RGS6: variants seen among roughly 807,000 people sequenced by gnomAD.
RGS6 encodes regulator of G protein signaling 6.
RGS6 carries 30 observed loss-of-function variants against 78.5 expected under a neutral mutation model. The observed-to-expected ratio is 0.38, with a 90% CI of 0.29 to 0.52. RGS6 has a LOEUF of 0.52. Among genes scored for constraint, RGS6 ranks in the 20% least tolerant of loss-of-function variants. RGS6 has a pLI of 0.85. For synonymous variants in RGS6, 206 were observed against 206.0 expected (o/e 1.00, Z 0.00); for missense variants, 495 against 609.7 (o/e 0.81, Z 1.98).
At chr14:72,558,380 C>T (rs1325716217) in intron 17 of RGS6, among the ~76,000 whole-genome samples, 1 of 152,206 alleles carries the variant, frequency 6.6e-6, no homozygotes, top group Admixed American at 6.5e-5. Flanking sequence ...CAGGGCTACT[C>T]TCTGAGCCAC....
At chr14:72,161,401 T>C (rs1469153874) in intron 2 of RGS6, among the ~76,000 whole-genome samples, 1 of 151,964 alleles carries the variant, frequency 6.6e-6, no homozygotes, top group African/African-American at 2.4e-5. Context: ...AAAAAAGCAA[T>C]AAAGAGGAGG....
intron 12 of RGS6, 140 bp from the exon 13 acceptor site, chr14:72,495,012 G>A (rs550480784): frequency 5.0e-6 from 3 of 604,590 alleles, no homozygotes; most frequent in East Asian, 2.8e-5. Flanking sequence ...ACAGTTTGAT[G>A]TGTCAGAAGT....
intron 2 of RGS6, among the ~76,000 whole-genome samples, chr14:71,992,584 AG>A (rs1222209595): frequency 6.6e-6 from 1 of 152,252 alleles, no homozygotes; most frequent in African/African-American, 2.4e-5. Flanking sequence ...TTAGATGGTT[AG>A]TAAATAGAAA....
Position 72,259,846 on chromosome 14 carries a change from G to C in RGS6, c.85-92249G>C, listed in dbSNP as rs371817472. 3.6e-4 allele frequency among the ~76,000 whole-genome samples: 51 copies of C among 142,772 alleles called. No homozygotes were observed. The East Asian group carries it at 0.01, about 29-fold the overall frequency. 93.7% of individuals were successfully genotyped at this position (142,772 alleles called of 152,430 possible). ...GAATGGCGTGAACCCGGGAGGCGGA[G>C]CTTGCAGTGAGCCGAGATCGCGCCA... On this transcript the variant is annotated intron_variant, in intron 2 of 17. Transcript: ENST00000553525.
chr14:72,299,546 G>A (rs1204834382), intron 2 of RGS6, among the ~76,000 whole-genome samples: 1 of 152,196 alleles, frequency 6.6e-6, no homozygotes, highest in Non-Finnish European at 1.5e-5. Flanking sequence ...AGCTTCTGAG[G>A]AACTGATGGA....
chr14:72,475,905 C>T (rs7151951), intron 10 of RGS6, among the ~76,000 whole-genome samples: 25,533 of 150,878 alleles, frequency 0.17, 2,314 homozygotes, highest in Middle Eastern at 0.28. Context: ...ATATTTTGTT[C>T]GTCACTGACT....
At chr14:72,557,651 G>A (rs2097600221) in intron 17 of RGS6, among the ~76,000 whole-genome samples, 1 of 152,212 alleles carries the variant, frequency 6.6e-6, no homozygotes, top group African/African-American at 2.4e-5. Context: ...GGCTCCTTGA[G>A]AGCACGACTC....
At chr14:72,409,628 T>C (rs2093239819) in intron 3 of RGS6, among the ~76,000 whole-genome samples, 1 of 152,138 alleles carries the variant, frequency 6.6e-6, no homozygotes, top group Admixed American at 6.5e-5. Context: ...GTTTGTTACA[T>C]ATGTATACAT....
chr14:72,436,331 T>C (rs572357340), intron 3 of RGS6, among the ~76,000 whole-genome samples: 1 of 152,286 alleles, frequency 6.6e-6, no homozygotes, highest in Admixed American at 6.5e-5. Context: ...ATGACTCTCT[T>C]CTTAATAAAC....
At chr14:72,420,714 C>T (rs1268260362) in intron 3 of RGS6, among the ~76,000 whole-genome samples, 1 of 152,138 alleles carries the variant, frequency 6.6e-6, no homozygotes, top group African/African-American at 2.4e-5. Flanking sequence ...CCAAGGTATC[C>T]CTGAGCCCTC....
chr14:72,629,312 T>G, the RGS6 span, among the ~76,000 whole-genome samples: 2 of 152,262 alleles, frequency 1.3e-5, no homozygotes, highest in East Asian at 3.8e-4. Flanking sequence ...TCTCTCTGCC[T>G]TTGTATATGT....
chr14:72,237,307 G>A (rs1021155681), intron 2 of RGS6, among the ~76,000 whole-genome samples: 1 of 152,112 alleles, frequency 6.6e-6, no homozygotes, highest in African/African-American at 2.4e-5. Flanking sequence ...AAATTGCTGT[G>A]CATGTTCTTA....
intron 1 of RGS6, among the ~76,000 whole-genome samples, chr14:71,948,857 A>T (rs1032971105): frequency 6.7e-6 from 1 of 149,436 alleles, no homozygotes; most frequent in African/African-American, 2.5e-5. Flanking sequence ...AGTAGCTACC[A>T]CTAACCTGAT....
At chr14:72,222,452 A>C (rs1016309172) in intron 2 of RGS6, among the ~76,000 whole-genome samples, 2 of 152,220 alleles carry the variant, frequency 1.3e-5, no homozygotes, top group Non-Finnish European at 2.9e-5. Context: ...AGGAGTACCA[A>C]AGATACCATG....
At chr14:72,177,706 C>T (rs2153693575) in intron 2 of RGS6, among the ~76,000 whole-genome samples, 1 of 152,204 alleles carries the variant, frequency 6.6e-6, no homozygotes, top group South Asian at 2.1e-4. Flanking sequence ...AATATAAAGG[C>T]TGTACAGGGT....
At chr14:72,021,537 C>T (rs1021396015) in intron 2 of RGS6, among the ~76,000 whole-genome samples, 1 of 141,810 alleles carries the variant, frequency 7.1e-6, no homozygotes, top group Non-Finnish European at 1.5e-5. Flanking sequence ...GGCACGATCT[C>T]AGCTCACTGC....
At chr14:72,072,497 C>T (rs140226050) in intron 2 of RGS6, among the ~76,000 whole-genome samples, 350 of 152,008 alleles carry the variant, frequency 2.3e-3, no homozygotes, top group African/African-American at 7.8e-3. Flanking sequence ...TTAGTACAGA[C>T]GGGGTATCAC....
chr14:72,575,941 C>T, the RGS6 span, among the ~76,000 whole-genome samples: 3 of 152,254 alleles, frequency 2.0e-5, no homozygotes, highest in Non-Finnish European at 2.9e-5. Context: ...TCCTAAACTG[C>T]TCCAAGAATG....
At chr14:72,439,569 A>G (rs1442748798) in intron 3 of RGS6, among the ~76,000 whole-genome samples, 1 of 152,242 alleles carries the variant, frequency 6.6e-6, no homozygotes, top group African/African-American at 2.4e-5. Context: ...CTACAAGGCT[A>G]TCGCTAAGCC....
Sources: gnomAD v4.1 joint callset for allele counts (sites outside exome capture counted in the v4.1 genomes callset) on GRCh38, gnomAD v4.1.1 for gene constraint, MANE v1.5 for transcripts, NCBI Gene and HGNC (gene_info 2026-07-23, HGNC 2026-07-21) for gene names.